The following SCNN1A variants were observed in gnomAD, a reference collection of about 807,000 sequenced individuals.
The protein encoded by SCNN1A is sodium channel epithelial 1 subunit alpha.
A neutral mutation model predicts 68.6 loss-of-function variants in SCNN1A; 65 were observed. That is an observed-to-expected ratio of 0.95 (90% CI 0.78 to 1.16). SCNN1A has a LOEUF of 1.16. Among genes scored for constraint, SCNN1A ranks in the 50% most tolerant of loss-of-function variants. The probability of loss-of-function intolerance (pLI) is 0.00; values close to 1 mark genes in which losing one functional copy is unlikely to be tolerated. For synonymous variants in SCNN1A, 357 were observed against 353.3 expected, an observed-to-expected ratio of 1.01 and a Z score of -0.12; for missense variants, 880 against 865.9, an observed-to-expected ratio of 1.02 and a Z score of -0.20.
chr12:6,370,407 C>G (rs549600653), intron 2 of SCNN1A, among the ~76,000 whole-genome samples: 2 of 152,152 alleles, frequency 1.3e-5, no homozygotes, highest in African/African-American at 4.8e-5. Flanking sequence ...GTGTCCAGGA[C>G]GGAGCAGCAG....
chr12:6,369,559 G>A (rs752753397), intron 2 of SCNN1A, among the ~76,000 whole-genome samples: 63 of 152,268 alleles, frequency 4.1e-4, no homozygotes, highest in Middle Eastern at 3.4e-3. Context: ...ATGGCCGGGC[G>A]CGGTGGCTCA....
intron 5 of SCNN1A, 142 bp from the exon 6 acceptor site, chr12:6,355,577 C>T: frequency 9.2e-7 from 1 of 1,090,720 alleles, no homozygotes; most frequent in Non-Finnish European, 1.4e-6. Flanking sequence ...AGGGACCTGG[C>T]AACCCCTGAG....
chr12:6,366,637 C>T (rs1382597611), intron 2 of SCNN1A, among the ~76,000 whole-genome samples: 1 of 151,900 alleles, frequency 6.6e-6, no homozygotes, highest in Non-Finnish European at 1.5e-5. Context: ...CCTGTCTCTA[C>T]TAAAAATGCA....
Position 6,347,786 on chromosome 12 carries a change from G to A in SCNN1A, c.*87C>T. On this transcript the variant is annotated 3_prime_UTR_variant, in exon 13 of 13. Coordinates refer to ENST00000228916, the MANE Select transcript of SCNN1A (RefSeq NM_001038.6). ...GCAGTTTGGGCGGCTCTGAGAGGAA[G>A]CCCTGCACATCCTTCAATCTTGCCA... 1 of 1,183,024 alleles carries A rather than the reference G, an allele frequency of 8.5e-7. No homozygotes were observed. Among genetic ancestry groups the A allele is most frequent in the Non-Finnish European group, 1.2e-6 (1 of 811,944 alleles). 73.3% of individuals were successfully genotyped at this position (1,183,024 alleles called of 1,614,324 possible). A position where few individuals can be genotyped will look rare whatever the true frequency, so the allele number is the denominator to read the frequency against.
rs1368960175 is a variant in SCNN1A at position 6,374,203 on chromosome 12, G to A, written c.416+165C>T. Among the ~76,000 whole-genome samples the A allele has an allele frequency of 1.3e-5, 2 of 152,318 alleles. No homozygotes were observed. Among genetic ancestry groups the A allele is most frequent in the African/African-American group, 4.8e-5 (2 of 41,580 alleles). ...TCCACTGGGCAGGGACGCCAGTCCAGTAAGCTGGAGGCTCCTCATTTTGCC... is the reference window on the plus strand; with the variant it reads ...TCCACTGGGCAGGGACGCCAGTCCAATAAGCTGGAGGCTCCTCATTTTGCC... On this transcript the variant is annotated intron_variant, in intron 2 of 12. Coordinates refer to ENST00000228916, the MANE Select transcript of SCNN1A (RefSeq NM_001038.6). The surrounding 1 kb of genome is among the most constrained non-coding windows in gnomAD (Gnocchi z 6.2).
At position 6,355,895 on chromosome 12, in the gene SCNN1A, G is replaced by C; in HGVS notation, c.876-15C>G. 2 of 1,506,116 alleles carry C rather than the reference G, an allele frequency of 1.3e-6. No individual in the cohort carries two copies. The highest frequency in any genetic ancestry group is 1.4e-5 in the African/African-American group (1 of 72,900). 93.3% of individuals were successfully genotyped at this position (1,506,116 alleles called of 1,614,324 possible). On this transcript the variant is annotated splice_polypyrimidine_tract_variant and intron_variant, in intron 4 of 12. Transcript: ENST00000228916. ...GAGAGTAATTCCTTATCAGGAAAGA[G>C]AGAGTAGGGTCAGAGAGGAAAGTGT...
intron 4 of SCNN1A, among the ~76,000 whole-genome samples, chr12:6,356,794 G>A (rs781613279): frequency 1.1e-4 from 16 of 152,166 alleles, no homozygotes; most frequent in Non-Finnish European, 2.1e-4. Flanking sequence ...TGGAGCTAGC[G>A]ACGGGAGCCA....
At chr12:6,368,924 G>C (rs547213475) in intron 2 of SCNN1A, among the ~76,000 whole-genome samples, 1 of 152,282 alleles carries the variant, frequency 6.6e-6, no homozygotes, top group South Asian at 2.1e-4. Flanking sequence ...TGAAGCTCTT[G>C]GGGGGTTAAG....
intron 2 of SCNN1A, among the ~76,000 whole-genome samples, chr12:6,373,137 T>C (rs1343497165): frequency 6.6e-6 from 1 of 152,090 alleles, no homozygotes; most frequent in Non-Finnish European, 1.5e-5. Flanking sequence ...TGGCTTTTTT[T>C]TTTCTCTCTC....
intron 2 of SCNN1A, among the ~76,000 whole-genome samples, chr12:6,364,678 T>C (rs955835281): frequency 6.6e-6 from 1 of 150,782 alleles, no homozygotes; most frequent in Non-Finnish European, 1.5e-5. Flanking sequence ...AGGAGAATGG[T>C]GTGAACCCGG....
chr12:6,354,535 G>A lies in SCNN1A; in HGVS notation c.1263C>T (p.Phe421=). 1 of 1,613,744 alleles carries A rather than the reference G, an allele frequency of 6.2e-7. No homozygotes were observed. Residue 421 remains phenylalanine (F), a synonymous_variant, in exon 8 of 13, where the codon TTC becomes TTT. Transcript: ENST00000228916. ...YTQQVCIHSC[F]QESMIKECGC... Reference sequence around the variant, plus strand: ...CACACTCCTTGATCATGCTCTCCTGGAAGCAGGAGTGAATACACACCTGGA... The same window carrying A: ...CACACTCCTTGATCATGCTCTCCTGAAAGCAGGAGTGAATACACACCTGGA...
chr12:6,365,416 A>G (rs1464478554), intron 2 of SCNN1A, among the ~76,000 whole-genome samples: 1 of 152,260 alleles, frequency 6.6e-6, no homozygotes, highest in African/African-American at 2.4e-5. Flanking sequence ...AGAAAAGAAG[A>G]GCCAAGTTGG....
rs748173628 is a variant in SCNN1A at position 6,363,464 on chromosome 12, G to A, written c.663C>T (p.Asp221=). ...TCACCAGCTGGAAGCCGATCTTCCAGTCCTTCCAGTCCACCTGGGGGTTGT... is the reference window on the plus strand; with the variant it reads ...TCACCAGCTGGAAGCCGATCTTCCAATCCTTCCAGTCCACCTGGGGGTTGT... The part of the protein sequence containing the change: ...RDNNPQVDWK[D]WKIGFQLCNQ... The change falls in exon 3 of 13, where the codon GAC becomes GAT. Residue 221 remains aspartate (D), a synonymous_variant. Coordinates refer to ENST00000228916, the MANE Select transcript of SCNN1A (RefSeq NM_001038.6). 3.8e-6 allele frequency: 6 copies of A among 1,599,442 alleles called. No individual in the cohort carries two copies. The South Asian group carries it at 5.6e-5, about 15-fold the overall frequency.
At chr12:6,367,343 A>G (rs927135552) in intron 2 of SCNN1A, among the ~76,000 whole-genome samples, 23 of 152,242 alleles carry the variant, frequency 1.5e-4, no homozygotes, top group Admixed American at 1.5e-3. Flanking sequence ...TTAAAAGAAG[A>G]ACGTTAGGCA....
upstream of SCNN1A, chr12:6,376,043 G>T (rs1056337327): frequency 1.0e-6 from 1 of 993,390 alleles, no homozygotes; most frequent in East Asian, 1.1e-4. Context: ...AGCAAGGGGG[G>T]AGTCCCAAGT....
Position 6,351,648 on chromosome 12 carries a change from G to T in SCNN1A, c.1361-2243C>A, listed in dbSNP as rs1286767121. Among the ~76,000 whole-genome samples the T allele has an allele frequency of 1.3e-5, 2 of 151,088 alleles. No homozygotes were observed. Among genetic ancestry groups the T allele is most frequent in the Non-Finnish European group, 3.0e-5 (2 of 67,718 alleles). ...TCTCCAGAAGAAAAAAAAAAAAAAA[G>T]ATTCAGAATAGGCAAATCCATAGAG... On this transcript the variant is annotated intron_variant, in intron 8 of 12. Coordinates refer to ENST00000228916, the MANE Select transcript of SCNN1A (RefSeq NM_001038.6). This position sits in a 1 kb window ranked among gnomAD's most constrained non-coding sequence, Gnocchi z 4.2.
chr12:6,365,489 T>A (rs12320672), intron 2 of SCNN1A, among the ~76,000 whole-genome samples: 7,245 of 152,288 alleles, frequency 0.048, 408 homozygotes, highest in African/African-American at 0.13. Context: ...ACAATGCGGT[T>A]CTTGGTAAGG....
intron 2 of SCNN1A, among the ~76,000 whole-genome samples, chr12:6,366,811 A>G (rs560179457): frequency 5.8e-4 from 89 of 152,186 alleles, no homozygotes; most frequent in African/African-American, 2.0e-3. Flanking sequence ...AAAAAAAAAA[A>G]AAAGAAAAAG....
In SCNN1A at chr12:6,347,037, G is replaced by A. The variant is rs1948268166; in HGVS notation, c.*836C>T. On this transcript the variant is annotated 3_prime_UTR_variant, in exon 13 of 13. Transcript: ENST00000228916. Reference sequence around the variant, plus strand: ...GCAACACTCCAGCAGATGTTATAGTGTGCTACGGGAGCCCAGGAGAAGGCG... The same window carrying A: ...GCAACACTCCAGCAGATGTTATAGTATGCTACGGGAGCCCAGGAGAAGGCG... The A allele has an allele frequency of 6.5e-6, 1 of 152,700 alleles. No individual in the cohort carries two copies. Among genetic ancestry groups the A allele is most frequent in the African/African-American group, 2.4e-5 (1 of 41,454 alleles). 9.5% of individuals were successfully genotyped at this position (152,700 alleles called of 1,614,324 possible). A position where few individuals can be genotyped will look rare whatever the true frequency, so the allele number is the denominator to read the frequency against.
Sources: allele counts gnomAD v4.1 joint callset (sites outside exome capture counted in the v4.1 genomes callset), GRCh38; gene constraint gnomAD v4.1.1; non-coding constraint Gnocchi (gnomAD v3.1); transcripts MANE v1.5; gene names NCBI Gene and HGNC (gene_info 2026-07-23, HGNC 2026-07-21).